Variants in CTTNBP2NL observed in about 807,000 individuals in gnomAD.
The protein encoded by CTTNBP2NL is CTTNBP2 N-terminal like, also known as CTTNBP2 N-terminal-like protein.
In CTTNBP2NL, 16 loss-of-function variants were observed where a neutral mutation model predicts 32.5. That is an observed-to-expected ratio of 0.49 (90% CI 0.33 to 0.75). The LOEUF (loss-of-function observed/expected upper bound fraction) is 0.75, where lower values mean the gene tolerates loss of function less well. Ranked by LOEUF, CTTNBP2NL falls within the 30% of genes least tolerant of loss-of-function variation. CTTNBP2NL has a pLI of 0.02. For missense variants in CTTNBP2NL, 645 were observed against 756.0 expected (o/e 0.85, Z 1.72); for synonymous variants, 298 against 289.4 (o/e 1.03, Z -0.30).
rs1243161980 is a variant in CTTNBP2NL at position 112,449,099 on chromosome 1, T to C, written c.257T>C (p.Val86Ala). 1 of 1,613,862 alleles carries C rather than the reference T, an allele frequency of 6.2e-7. No individual in the cohort carries two copies. The highest frequency in any genetic ancestry group is 8.5e-7 in the Non-Finnish European group (1 of 1,179,862). The change falls in exon 4 of 6, where the codon GTG becomes GCG. Residue 86 changes from valine to alanine, a missense_variant. Val to Ala is a moderately conservative substitution (Grantham distance 64). Coordinates refer to ENST00000271277, the MANE Select transcript of CTTNBP2NL (RefSeq NM_018704.3). ...CTNPLSILKV[V>A]MKQCKNMQER... Reference sequence around the variant, plus strand: ...AATCCACTCTCTATTCTTAAGGTTGTGATGAAGCAGTGCAAGAACATGCAG... The same window carrying C: ...AATCCACTCTCTATTCTTAAGGTTGCGATGAAGCAGTGCAAGAACATGCAG...
intron 3 of CTTNBP2NL, among the ~76,000 whole-genome samples, chr1:112,435,346 T>A (rs138683593): frequency 0.011 from 1,665 of 152,158 alleles, 43 homozygotes; most frequent in African/African-American, 0.038. Flanking sequence ...TCACTAAATG[T>A]AAGCTCCTCA....
intron 1 of CTTNBP2NL, among the ~76,000 whole-genome samples, chr1:112,407,264 A>G (rs1348803235): frequency 6.6e-6 from 1 of 152,204 alleles, no homozygotes; most frequent in Admixed American, 6.5e-5. Flanking sequence ...CAAAGTAGTA[A>G]GTGGTTAACA....
rs1329155763 is a variant in CTTNBP2NL at position 112,459,717 on chromosome 1, G to C, written c.*2305G>C. The C allele has an allele frequency of 6.6e-6, 1 of 151,384 alleles. No individual in the cohort carries two copies. The highest frequency in any genetic ancestry group is 6.5e-5 in the Admixed American group (1 of 15,276). 9.4% of individuals were successfully genotyped at this position (151,384 alleles called of 1,614,324 possible). ...TAAAATAGCTAAACTTTCTAAACTG[G>C]AGAGGAGGCTACAGTGCCAGAGAGT... On this transcript the variant is annotated 3_prime_UTR_variant, in exon 6 of 6. Coordinates refer to ENST00000271277, the MANE Select transcript of CTTNBP2NL (RefSeq NM_018704.3).
intron 3 of CTTNBP2NL, among the ~76,000 whole-genome samples, chr1:112,424,324 C>T (rs963579944): frequency 7.2e-5 from 11 of 152,086 alleles, no homozygotes; most frequent in African/African-American, 2.7e-4. Flanking sequence ...CTTTGTCAGT[C>T]GGTTATTCAT....
intron 3 of CTTNBP2NL, among the ~76,000 whole-genome samples, chr1:112,448,420 A>G (rs1295732959): frequency 6.6e-6 from 1 of 152,246 alleles, no homozygotes; most frequent in Non-Finnish European, 1.5e-5. Context: ...GTCTCTAAAT[A>G]TATAAACTCA....
At chr1:112,427,851 G>A (rs889232083) in intron 3 of CTTNBP2NL, among the ~76,000 whole-genome samples, 6 of 149,312 alleles carry the variant, frequency 4.0e-5, no homozygotes, top group South Asian at 2.1e-4. Flanking sequence ...AGCCGAGATC[G>A]CGCCACTGCA....
chr1:112,407,316 A>G (rs996986888), intron 1 of CTTNBP2NL, among the ~76,000 whole-genome samples: 5 of 152,238 alleles, frequency 3.3e-5, no homozygotes, highest in African/African-American at 1.2e-4. Context: ...AAAGTACCAC[A>G]GATGGGGTGG....
chr1:112,401,990 G>A (rs1648517988), intron 1 of CTTNBP2NL, among the ~76,000 whole-genome samples: 1 of 152,224 alleles, frequency 6.6e-6, no homozygotes, highest in African/African-American at 2.4e-5. Context: ...GGAAAGCACA[G>A]GATGATGGGG....
intron 1 of CTTNBP2NL, among the ~76,000 whole-genome samples, chr1:112,407,467 C>T (rs561615196): frequency 6.6e-4 from 101 of 152,234 alleles, no homozygotes; most frequent in Admixed American, 2.5e-3. Context: ...AACTCTGACC[C>T]GTCTATATCT....
intron 3 of CTTNBP2NL, among the ~76,000 whole-genome samples, chr1:112,418,959 G>T (rs552779211): frequency 3.3e-5 from 5 of 152,268 alleles, no homozygotes; most frequent in Non-Finnish European, 5.9e-5. Flanking sequence ...AATGGCTTCT[G>T]TGACTAAATA....
intron 3 of CTTNBP2NL, among the ~76,000 whole-genome samples, chr1:112,438,961 T>C (rs1174241157): frequency 6.6e-6 from 1 of 152,180 alleles, no homozygotes; most frequent in Non-Finnish European, 1.5e-5. Flanking sequence ...CTTCCTTAAT[T>C]TGAGTCCCAA....
chr1:112,426,876 G>A (rs1484331096), intron 3 of CTTNBP2NL, among the ~76,000 whole-genome samples: 1 of 152,172 alleles, frequency 6.6e-6, no homozygotes, highest in South Asian at 2.1e-4. Context: ...AAAGTTCTGG[G>A]ATTACAGGGT....
At chr1:112,427,431 C>T (rs1649434991) in intron 3 of CTTNBP2NL, among the ~76,000 whole-genome samples, 1 of 152,120 alleles carries the variant, frequency 6.6e-6, no homozygotes. Flanking sequence ...GGGTTTGTTT[C>T]TTTTACTGAA....
chr1:112,435,367 C>T, intron 3 of CTTNBP2NL, among the ~76,000 whole-genome samples: 1 of 151,700 alleles, frequency 6.6e-6, no homozygotes, highest in Non-Finnish European at 1.5e-5. Flanking sequence ...GGGGGCAGGT[C>T]CTTAATCTTA....
intron 3 of CTTNBP2NL, among the ~76,000 whole-genome samples, chr1:112,438,314 TG>T (rs1649798913): frequency 1.3e-5 from 2 of 152,206 alleles, no homozygotes; most frequent in African/African-American, 4.8e-5. Flanking sequence ...CGACTGTGAA[TG>T]GGATTGCGTT....
chr1:112,418,032 T>C (rs1401185478), intron 3 of CTTNBP2NL, among the ~76,000 whole-genome samples: 1 of 152,198 alleles, frequency 6.6e-6, no homozygotes, highest in East Asian at 1.9e-4. Flanking sequence ...TTGTTCTAAA[T>C]AGTTATGATT....
chr1:112,443,475 A>C (rs1235268572), intron 3 of CTTNBP2NL, among the ~76,000 whole-genome samples: 1 of 152,112 alleles, frequency 6.6e-6, no homozygotes, highest in Non-Finnish European at 1.5e-5. Flanking sequence ...TGGCCTCCCA[A>C]AGTGCTGGGA....
intron 5 of CTTNBP2NL, 43 bp from the exon 6 acceptor site, chr1:112,455,888 A>G (rs1399999788): frequency 4.2e-6 from 6 of 1,429,944 alleles, no homozygotes; most frequent in Non-Finnish European, 5.7e-6. Context: ...AGTCTACTTG[A>G]TCACAGTTTG....
In CTTNBP2NL at chr1:112,456,629, G is replaced by A. The variant is rs765722723; in HGVS notation, c.1137G>A (p.Val379=). Residue 379 remains valine, a synonymous_variant, in exon 6 of 6, where the codon GTG becomes GTA. Coordinates refer to ENST00000271277, the MANE Select transcript of CTTNBP2NL (RefSeq NM_018704.3). ...ENQVPPREKS[V]ALAQEKPVEN... is the part of the protein sequence containing the mutation. ...AGGTGCCTCCACGGGAAAAATCTGT[G>A]GCATTGGCCCAAGAGAAACCAGTGG... 1.2e-6 allele frequency: 2 copies of A among 1,614,118 alleles called. No individual in the cohort carries two copies. Among genetic ancestry groups the A allele is most frequent in the East Asian group, 4.5e-5 (2 of 44,856 alleles).
Sources: allele counts gnomAD v4.1 joint callset (sites outside exome capture counted in the v4.1 genomes callset), GRCh38; gene constraint gnomAD v4.1.1; transcripts MANE v1.5; gene names NCBI Gene and HGNC (gene_info 2026-07-23, HGNC 2026-07-21).